CCDC125: variants seen among roughly 807,000 people sequenced by gnomAD.
CCDC125 encodes the protein coiled-coil domain-containing protein 125.
Under a neutral mutation model 57.4 loss-of-function variants are expected in CCDC125, and 43 were observed. The ratio of observed to expected loss-of-function variants is 0.75; its 90% confidence interval spans 0.59 to 0.97. The LOEUF (loss-of-function observed/expected upper bound fraction) is 0.97. Among genes scored for constraint, CCDC125 ranks in the 50% least tolerant of loss-of-function variants. CCDC125 has a pLI of 0.00. For synonymous variants in CCDC125, 187 were observed against 195.2 expected (o/e 0.96, Z 0.35); for missense variants, 563 against 595.7 (o/e 0.95, Z 0.57).
chr5:69,314,459 T>C (rs1325711072), intron 2 of CCDC125, among the ~76,000 whole-genome samples: 1 of 112,972 alleles, frequency 8.9e-6, no homozygotes, highest in Non-Finnish European at 2.0e-5. Flanking sequence ...AGTAACTCTG[T>C]TTCAAAAAAA....
intron 11 of CCDC125, 72 bp downstream of exon 11, chr5:69,285,265 T>C (rs1175050646): frequency 6.5e-7 from 1 of 1,527,324 alleles, no homozygotes; most frequent in South Asian, 1.2e-5. Context: ...CTGGGCTGCA[T>C]GCTCCCCACG....
At chr5:69,274,065 C>A in the CCDC125 span, among the ~76,000 whole-genome samples, 1 of 152,180 alleles carries the variant, frequency 6.6e-6, no homozygotes, top group South Asian at 2.1e-4. Flanking sequence ...TGCCTTTTCA[C>A]TCATACTTCT....
intron 2 of CCDC125, among the ~76,000 whole-genome samples, chr5:69,315,450 C>CAAAAAAAAA (rs1359288696): frequency 2.0e-4 from 1 of 4,884 alleles, no homozygotes; most frequent in African/African-American, 4.1e-4. Context: ...AAAAAAAAAA[C>CAAAAAAAAA]AAAAAAAAAA....
At chr5:69,328,218 A>G (rs986545340) in intron 1 of CCDC125, among the ~76,000 whole-genome samples, 4 of 152,198 alleles carry the variant, frequency 2.6e-5, no homozygotes, top group Non-Finnish European at 4.4e-5. Flanking sequence ...AATTTTTTAA[A>G]TTAAAATGAG....
At chr5:69,303,621 T>C (rs527830109) in intron 7 of CCDC125, among the ~76,000 whole-genome samples, 1 of 152,272 alleles carries the variant, frequency 6.6e-6, no homozygotes, top group East Asian at 1.9e-4. Context: ...CACCTTGGCC[T>C]CCCAAAGTGC....
At chr5:69,310,737 G>T (rs781465789) in intron 4 of CCDC125, 17 of 155,720 alleles carry the variant, frequency 1.1e-4, no homozygotes, top group Admixed American at 6.5e-4. Flanking sequence ...CAATGCAAAA[G>T]AATCCAGTCA....
At chr5:69,323,693 G>A (rs1760384321) in intron 1 of CCDC125, 1 of 152,160 alleles carries the variant, frequency 6.6e-6, no homozygotes, top group Non-Finnish European at 1.5e-5. Flanking sequence ...AGATACAGAG[G>A]AGTTATGCCT....
chr5:69,320,181 A>G, intron 2 of CCDC125, 56 bp downstream of exon 2: 1 of 1,417,220 alleles, frequency 7.1e-7, no homozygotes, highest in Non-Finnish European at 9.8e-7. Flanking sequence ...TGGAAGGGTT[A>G]TAGCTTTGAT....
chr5:69,327,873 C>T (rs1760928266), intron 1 of CCDC125, among the ~76,000 whole-genome samples: 1 of 152,142 alleles, frequency 6.6e-6, no homozygotes, highest in African/African-American at 2.4e-5. Context: ...AAAGTGTGCT[C>T]CATGGAACAT....
At chr5:69,298,247 C>T (rs373613003) in intron 8 of CCDC125, among the ~76,000 whole-genome samples, 1 of 152,046 alleles carries the variant, frequency 6.6e-6, no homozygotes, top group Non-Finnish European at 1.5e-5. Context: ...ATCTCCTGAC[C>T]TTGTGATCCG....
chr5:69,285,601 GC>G, intron 10 of CCDC125, 134 bp from the exon 11 acceptor site: 1 of 843,188 alleles, frequency 1.2e-6, no homozygotes, highest in Non-Finnish European at 1.8e-6. Context: ...GCAGAGCACA[GC>G]CTTCAGAGCC....
At position 69,294,875 on chromosome 5, in the gene CCDC125, CA is replaced by C; in HGVS notation, c.841del (p.Cys281ValfsTer41). On this transcript the variant is annotated frameshift_variant, in exon 9 of 12. Coordinates refer to ENST00000396496, the MANE Select transcript of CCDC125 (RefSeq NM_176816.5). LOFTEE classifies it high-confidence loss of function. Reference sequence around the variant, plus strand: ...ACAGGGGTTCCCTCCGGGCCCATGACAAAGGCAGGCTCCGAGGACCGCAAGC... The same window carrying C: ...ACAGGGGTTCCCTCCGGGCCCATGACAAGGCAGGCTCCGAGGACCGCAAGC... ...LELAVLGACL[C>X]HGPGGNPCSC... 1 of 1,613,978 alleles carries C rather than the reference CA, an allele frequency of 6.2e-7. No homozygotes were observed. The highest frequency in any genetic ancestry group is 8.5e-7 in the Non-Finnish European group (1 of 1,179,988).
intron 1 of CCDC125, among the ~76,000 whole-genome samples, chr5:69,325,607 C>T (rs1042901622): frequency 2.0e-5 from 3 of 150,428 alleles, no homozygotes; most frequent in South Asian, 2.1e-4. Flanking sequence ...GGGCGGATCA[C>T]GAGGTCAAGA....
Position 69,311,214 on chromosome 5 carries a change from G to C in CCDC125, c.367-10C>G. The C allele has an allele frequency of 6.4e-7, 1 of 1,555,298 alleles. No individual in the cohort carries two copies. The highest frequency in any genetic ancestry group is 1.4e-5 in the African/African-American group (1 of 73,614). ...TTAACATTTCTACCTCCTGAGGACA[G>C]AAAGAAAATTAGTCTTCCTATCTGC... is the stretch of plus-strand genomic sequence containing the variant. On this transcript the variant is annotated splice_polypyrimidine_tract_variant and intron_variant, in intron 3 of 11. Transcript: ENST00000396496.
intron 2 of CCDC125, among the ~76,000 whole-genome samples, chr5:69,315,441 A>AAC (rs1758873024): frequency 4.1e-5 from 1 of 24,126 alleles, no homozygotes; most frequent in Non-Finnish European, 1.5e-4. Context: ...CTGTCTCAAA[A>AAC]AAAAAAAACA....
At chr5:69,296,985 TA>T (rs1351389257) in intron 8 of CCDC125, among the ~76,000 whole-genome samples, 2 of 152,202 alleles carry the variant, frequency 1.3e-5, no homozygotes, top group African/African-American at 4.8e-5. Flanking sequence ...TAACCACAAA[TA>T]CTTTCCCAAC....
chr5:69,316,657 G>C (rs1759158174), intron 2 of CCDC125, among the ~76,000 whole-genome samples: 1 of 152,036 alleles, frequency 6.6e-6, no homozygotes, highest in Admixed American at 6.6e-5. Context: ...GACTACAGGT[G>C]CACACTACTA....
At chr5:69,285,510 C>T in intron 10 of CCDC125, 43 bp from the exon 11 acceptor site, 1 of 1,567,100 alleles carries the variant, frequency 6.4e-7, no homozygotes, top group South Asian at 1.2e-5. Context: ...TTAAAATATC[C>T]TCACTGATAT....
chr5:69,311,941 G>A (rs1273262798), intron 3 of CCDC125, among the ~76,000 whole-genome samples: 1 of 152,062 alleles, frequency 6.6e-6, no homozygotes, highest in Non-Finnish European at 1.5e-5. Context: ...CACTATATTG[G>A]CCAGGCTGGT....
Sources: allele counts gnomAD v4.1 joint callset (sites outside exome capture counted in the v4.1 genomes callset), GRCh38; gene constraint gnomAD v4.1.1; transcripts MANE v1.5; gene names NCBI Gene and HGNC (gene_info 2026-07-23, HGNC 2026-07-21).